Variants in ARK2C observed in about 807,000 individuals in gnomAD.
ARK2C encodes E3 ubiquitin-protein ligase ARK2C.
At chr18:46,394,115 C>A in the ARK2C span, among the ~76,000 whole-genome samples, 1 of 152,300 alleles carries the variant, frequency 6.6e-6, no homozygotes, top group Non-Finnish European at 1.5e-5. Flanking sequence ...CCCTCAAGAG[C>A]CTTTTCACTT....
chr18:46,341,952 A>T, the ARK2C span, among the ~76,000 whole-genome samples: 1 of 152,282 alleles, frequency 6.6e-6, no homozygotes, highest in East Asian at 1.9e-4. Flanking sequence ...AGCAGGGGGA[A>T]CGGGAGGGAG....
chr18:46,433,417 T>G, the ARK2C span: 1 of 1,613,294 alleles, frequency 6.2e-7, no homozygotes, highest in Non-Finnish European at 8.5e-7. Flanking sequence ...CACAGGTCCC[T>G]CCTTCCTACC....
the ARK2C span, chr18:46,435,214 G>A: frequency 6.4e-5 from 86 of 1,344,004 alleles, no homozygotes; most frequent in African/African-American, 8.6e-4. Context: ...AGGCTGCCCC[G>A]GTTTCTCAGA....
At chr18:46,430,044 C>A in the ARK2C span, among the ~76,000 whole-genome samples, 17 of 152,332 alleles carry the variant, frequency 1.1e-4, no homozygotes, top group Middle Eastern at 6.8e-3. Flanking sequence ...GATCCCTGCG[C>A]AGCTGTGTGC....
the ARK2C span, among the ~76,000 whole-genome samples, chr18:46,454,204 G>A: frequency 2.0e-5 from 3 of 148,148 alleles, no homozygotes; most frequent in African/African-American, 7.5e-5. Context: ...GTAATATTAA[G>A]CTAAAATTTT....
chr18:46,454,377 T>A, the ARK2C span, among the ~76,000 whole-genome samples: 70 of 152,216 alleles, frequency 4.6e-4, no homozygotes, highest in Non-Finnish European at 9.1e-4. Flanking sequence ...GCTGGACTCT[T>A]AAGCAGGCAG....
chr18:46,428,974 A>C, the ARK2C span, among the ~76,000 whole-genome samples: 1 of 151,794 alleles, frequency 6.6e-6, no homozygotes, highest in Non-Finnish European at 1.5e-5. Context: ...TTATCCCTCT[A>C]CTGTGCTTCC....
the ARK2C span, among the ~76,000 whole-genome samples, chr18:46,422,606 G>A: frequency 9.6e-3 from 1,465 of 152,312 alleles, 21 homozygotes; most frequent in African/African-American, 0.034. Context: ...TCTTCCCCCC[G>A]ACCGAGGTCC....
At chr18:46,425,350 G>C in the ARK2C span, among the ~76,000 whole-genome samples, 2 of 152,230 alleles carry the variant, frequency 1.3e-5, no homozygotes, top group East Asian at 1.9e-4. Flanking sequence ...ACCTGTGCTT[G>C]AATTGCCCAC....
the ARK2C span, among the ~76,000 whole-genome samples, chr18:46,376,492 G>A: frequency 6.6e-6 from 1 of 152,088 alleles, no homozygotes; most frequent in Non-Finnish European, 1.5e-5. Context: ...TTTTTGTCAG[G>A]GATGTTTGGA....
the ARK2C span, among the ~76,000 whole-genome samples, chr18:46,423,663 G>T: frequency 3.3e-5 from 5 of 152,238 alleles, no homozygotes; most frequent in African/African-American, 7.2e-5. Flanking sequence ...CTGGGACTCA[G>T]GAGGCCTGGA....
the ARK2C span, among the ~76,000 whole-genome samples, chr18:46,370,681 GGAATAGAATAA>G: frequency 3.9e-5 from 6 of 152,234 alleles, no homozygotes; most frequent in African/African-American, 1.4e-4. Context: ...AGGGGATCAA[GGAATAGAATAA>G]GATACCATCT....
the ARK2C span, among the ~76,000 whole-genome samples, chr18:46,350,668 G>A: frequency 6.6e-6 from 1 of 152,086 alleles, no homozygotes; most frequent in East Asian, 1.9e-4. Flanking sequence ...CTGACACCTG[G>A]CTGAGGTCAC....
At chr18:46,436,089 G>C in the ARK2C span, among the ~76,000 whole-genome samples, 1 of 152,182 alleles carries the variant, frequency 6.6e-6, no homozygotes, top group Non-Finnish European at 1.5e-5. Flanking sequence ...CCAGATTCTG[G>C]TTCTAGCTCA....
chr18:46,336,254 T>G, the ARK2C span: 1 of 985,172 alleles, frequency 1.0e-6, no homozygotes, highest in Non-Finnish European at 1.2e-6. Context: ...ATTAAATCAT[T>G]ACCATCCTCA....
At chr18:46,382,118 A>G in the ARK2C span, among the ~76,000 whole-genome samples, 3 of 152,216 alleles carry the variant, frequency 2.0e-5, no homozygotes, top group Non-Finnish European at 4.4e-5. Context: ...GGGCTCTTAA[A>G]TTAGAGGCCA....
chr18:46,456,479 A>G, the ARK2C span: 14 of 1,437,884 alleles, frequency 9.7e-6, no homozygotes, highest in Admixed American at 3.3e-5. Context: ...AGTGTCCCTC[A>G]GCTCTTGCCG....
At chr18:46,449,387 C>T in the ARK2C span, among the ~76,000 whole-genome samples, 2 of 152,050 alleles carry the variant, frequency 1.3e-5, no homozygotes, top group Non-Finnish European at 2.9e-5. Flanking sequence ...ATTAAAATAT[C>T]GTTAATCTTT....
At chr18:46,412,429 A>T in the ARK2C span, among the ~76,000 whole-genome samples, 1 of 152,206 alleles carries the variant, frequency 6.6e-6, no homozygotes, top group African/African-American at 2.4e-5. Flanking sequence ...GTAGCAGCTC[A>T]CAGCTGCCTG....
Sources: allele counts gnomAD v4.1 joint callset (sites outside exome capture counted in the v4.1 genomes callset), GRCh38; gene constraint gnomAD v4.1.1; transcripts MANE v1.5; gene names NCBI Gene and HGNC (gene_info 2026-07-23, HGNC 2026-07-21).